The following ZMYM4 variants were observed in gnomAD, a reference collection of about 807,000 sequenced individuals.
ZMYM4 encodes zinc finger MYM-type protein 4.
Under a neutral mutation model 183.2 loss-of-function variants are expected in ZMYM4, and 31 were observed. The ratio of observed to expected loss-of-function variants is 0.17; its 90% CI spans 0.13 to 0.23. The LOEUF is 0.23. ZMYM4 is among the 10% of genes least tolerant of loss of function. The probability of loss-of-function intolerance (pLI) is 1.00; values close to 1 mark genes in which losing one functional copy is unlikely to be tolerated. For missense variants in ZMYM4, 1,273 were observed against 1,840.3 expected (o/e 0.69, Z 5.64); for synonymous variants, 592 against 631.2 (o/e 0.94, Z 0.93).
intron 7 of ZMYM4, among the ~76,000 whole-genome samples, chr1:35,376,606 C>A (rs1171011107): frequency 6.6e-6 from 1 of 152,090 alleles, no homozygotes; most frequent in Non-Finnish European, 1.5e-5. Context: ...TCACTGCAAC[C>A]TCTGCCTCCC....
At chr1:35,354,146 C>T (rs1558063070) in intron 2 of ZMYM4, among the ~76,000 whole-genome samples, 1 of 151,084 alleles carries the variant, frequency 6.6e-6, no homozygotes, top group African/African-American at 2.4e-5. Flanking sequence ...GATTCTGTCT[C>T]AAAAAAAGAA....
chr1:35,329,795 C>T (rs1409391259), intron 2 of ZMYM4, among the ~76,000 whole-genome samples: 1 of 152,144 alleles, frequency 6.6e-6, no homozygotes, highest in Non-Finnish European at 1.5e-5. Context: ...GTCAAGCAGT[C>T]CTCCTTCCAC....
chr1:35,298,387 G>A (rs577058145), intron 1 of ZMYM4, among the ~76,000 whole-genome samples: 41 of 152,266 alleles, frequency 2.7e-4, no homozygotes, highest in African/African-American at 9.1e-4. Flanking sequence ...ACTCCAGCCT[G>A]GGCAACAGAG....
chr1:35,400,552 G>GT (rs1299946000), intron 23 of ZMYM4, among the ~76,000 whole-genome samples: 1 of 152,130 alleles, frequency 6.6e-6, no homozygotes, highest in Non-Finnish European at 1.5e-5. Context: ...TCACATGGCT[G>GT]TTTTTCACAT....
intron 2 of ZMYM4, among the ~76,000 whole-genome samples, chr1:35,328,706 C>A (rs1273346470): frequency 6.6e-6 from 1 of 152,000 alleles, no homozygotes; most frequent in Non-Finnish European, 1.5e-5. Context: ...GCCCTGGAGG[C>A]AGAGAAGTGA....
At chr1:35,296,968 GCCT>G (rs1415735874) in intron 1 of ZMYM4, among the ~76,000 whole-genome samples, 2 of 148,270 alleles carry the variant, frequency 1.3e-5, no homozygotes, top group East Asian at 4.2e-4. Context: ...TCCTGCCTCA[GCCT>G]CCTGAGTAGC....
chr1:35,407,803 A>G (rs1645030927), intron 25 of ZMYM4, among the ~76,000 whole-genome samples: 1 of 152,188 alleles, frequency 6.6e-6, no homozygotes, highest in South Asian at 2.1e-4. Flanking sequence ...GAAAGCCTCT[A>G]TCATAGCACG....
intron 1 of ZMYM4, among the ~76,000 whole-genome samples, chr1:35,284,258 G>A (rs977951878): frequency 1.3e-5 from 2 of 151,796 alleles, no homozygotes; most frequent in African/African-American, 4.9e-5. Flanking sequence ...TTACAGGCGT[G>A]AGCCACCGCG....
chr1:35,358,765 G>C, intron 2 of ZMYM4, 160 bp from the exon 3 acceptor site: 1 of 623,620 alleles, frequency 1.6e-6, no homozygotes, highest in Non-Finnish European at 2.6e-6. Context: ...GATAGGAATA[G>C]TTATATCTGT....
At chr1:35,334,283 C>T (rs1218701159) in intron 2 of ZMYM4, among the ~76,000 whole-genome samples, 1 of 152,136 alleles carries the variant, frequency 6.6e-6, no homozygotes, top group Non-Finnish European at 1.5e-5. Context: ...TATGCCACTG[C>T]ACGCCAGCCT....
In ZMYM4 at chr1:35,361,784, G is replaced by A. The variant is rs771612774; in HGVS notation, c.835G>A (p.Ala279Thr). ...CAAAATAAAAGATGAACCTGACAAT[G>A]CTCAAGTAAACATTTCACCTTTTTT... Reference protein sequence around the residue: ...LDKIKDEPDNAQEYSHGQQQK... With the variant: ...LDKIKDEPDNTQEYSHGQQQK... The change falls in exon 5 of 30, where the codon GCT (alanine) becomes ACT (threonine). Residue 279 changes from alanine (A) to threonine (T), a missense_variant. Ala to Thr is a moderately conservative substitution (Grantham distance 58). Coordinates refer to ENST00000314607, the MANE Select transcript of ZMYM4 (RefSeq NM_005095.3). 6.9e-6 allele frequency: 11 copies of A among 1,601,366 alleles called. No homozygotes were observed. In the East Asian group the frequency reaches 2.2e-4, roughly 33 times the overall value.
At chr1:35,381,487 A>C (rs1217962332) in intron 8 of ZMYM4, 54 bp downstream of exon 8, 1 of 1,609,264 alleles carries the variant, frequency 6.2e-7, no homozygotes, top group African/African-American at 1.3e-5. Context: ...TTGTGCTTAA[A>C]GAACAGCTTT....
chr1:35,300,193 T>C (rs1484247363), intron 1 of ZMYM4, among the ~76,000 whole-genome samples: 1 of 152,158 alleles, frequency 6.6e-6, no homozygotes, highest in Non-Finnish European at 1.5e-5. Flanking sequence ...TGTGGAAATT[T>C]GGGGTTTTCC....
At chr1:35,395,727 T>C (rs2184859) in intron 18 of ZMYM4, among the ~76,000 whole-genome samples, 1,826 of 152,326 alleles carry the variant, frequency 0.012, 38 homozygotes, top group African/African-American at 0.042. Context: ...TACATTAGCC[T>C]ACAGTTGGGC....
At chr1:35,401,003 A>G (rs960842661) in intron 23 of ZMYM4, among the ~76,000 whole-genome samples, 6 of 152,200 alleles carry the variant, frequency 3.9e-5, no homozygotes, top group Non-Finnish European at 7.4e-5. Flanking sequence ...CAATTTGTTC[A>G]GCTGTTTAAC....
chr1:35,359,573 T>C, intron 3 of ZMYM4, 127 bp downstream of exon 3: 1 of 1,007,990 alleles, frequency 9.9e-7, no homozygotes. Flanking sequence ...TTGTCATTTT[T>C]CTTTTGTCCT....
chr1:35,385,661 G>C, intron 10 of ZMYM4, 69 bp downstream of exon 10: 1 of 1,477,514 alleles, frequency 6.8e-7, no homozygotes, highest in Non-Finnish European at 9.0e-7. Flanking sequence ...TGTTTTTAAC[G>C]GTTTTTTTTG....
At chr1:35,337,766 C>G (rs1476919492) in intron 2 of ZMYM4, among the ~76,000 whole-genome samples, 2 of 151,964 alleles carry the variant, frequency 1.3e-5, no homozygotes, top group Non-Finnish European at 2.9e-5. Context: ...TGGCGAAACC[C>G]CATCTCTACT....
At chr1:35,393,818 T>C (rs555353457) in intron 18 of ZMYM4, 79 bp downstream of exon 18, 1 of 1,435,930 alleles carries the variant, frequency 7.0e-7, no homozygotes, top group African/African-American at 1.4e-5. Context: ...GAGTACCTGC[T>C]ATTTCCTAGG....
Sources: gnomAD v4.1 joint callset for allele counts (sites outside exome capture counted in the v4.1 genomes callset) on GRCh38, gnomAD v4.1.1 for gene constraint, MANE v1.5 for transcripts, NCBI Gene and HGNC (gene_info 2026-07-23, HGNC 2026-07-21) for gene names.